Variants in OTUD7A observed in about 807,000 individuals in gnomAD.
The protein encoded by OTUD7A is OTU domain-containing protein 7A.
In OTUD7A, 12 loss-of-function variants were observed where a neutral mutation model predicts 65.7. The observed-to-expected ratio is 0.18, with a 90% CI of 0.12 to 0.30. The LOEUF (loss-of-function observed/expected upper bound fraction) is 0.30. OTUD7A is among the 10% of genes least tolerant of loss of function. The pLI is 1.00. For synonymous variants in OTUD7A, 641 were observed against 586.3 expected (o/e 1.09, Z -1.35); for missense variants, 1,148 against 1,304.8 (o/e 0.88, Z 1.85).
chr15:31,714,541 A>G (rs1893533518), intron 1 of OTUD7A, among the ~76,000 whole-genome samples: 1 of 152,194 alleles, frequency 6.6e-6, no homozygotes, highest in African/African-American at 2.4e-5. Flanking sequence ...TAATTCATGA[A>G]GTTGTACATT....
chr15:31,748,843 T>G (rs936293678), intron 1 of OTUD7A, among the ~76,000 whole-genome samples: 1 of 152,220 alleles, frequency 6.6e-6, no homozygotes, highest in Non-Finnish European at 1.5e-5. Flanking sequence ...TTTTGCATTA[T>G]ACCCTTAATA....
Position 31,481,708 on chromosome 15 carries a change from A to G in OTUD7A, c.*1586T>C, listed in dbSNP as rs2041121994. 1 of 152,528 alleles carries G rather than the reference A, an allele frequency of 6.6e-6. No individual in the cohort carries two copies. The highest frequency in any genetic ancestry group is 2.4e-5 in the African/African-American group (1 of 41,438). The allele number at this position is 152,528 out of a possible 1,614,324, so 9.4% of individuals were successfully genotyped here. A position where few individuals can be genotyped will look rare whatever the true frequency, so the allele number is the denominator to read the frequency against. ...ACAGGAGATACTCAATTATTTTATT[A>G]TAATTTCTCAAACAAGTAAAAAAAA... is the stretch of plus-strand genomic sequence containing the variant. On this transcript the variant is annotated 3_prime_UTR_variant, in exon 13 of 13. Coordinates refer to ENST00000307050, the MANE Select transcript of OTUD7A (RefSeq NM_001382637.1).
chr15:31,629,199 TG>T (rs1250019507), intron 3 of OTUD7A, among the ~76,000 whole-genome samples: 1 of 152,216 alleles, frequency 6.6e-6, no homozygotes, highest in Non-Finnish European at 1.5e-5. Context: ...TTCCAGTTTT[TG>T]CCCATTCAGT....
At position 31,739,615 on chromosome 15, in the gene OTUD7A, C is replaced by CA. The variant is rs1167458862; in HGVS notation, c.-99-82539dup. On this transcript the variant is annotated intron_variant, in intron 1 of 12. Transcript: ENST00000307050. Reference sequence around the variant, plus strand: ...TCACCATATCTTTTTTTTTTGGAGACAGAGTGTCACTCTGTTGCCCAGGCT... The same window carrying CA: ...TCACCATATCTTTTTTTTTTGGAGACAAGAGTGTCACTCTGTTGCCCAGGCT... Among the ~76,000 whole-genome samples, 2 of 151,792 alleles carry CA rather than the reference C, an allele frequency of 1.3e-5. 1 individual carries two copies. The highest frequency in any genetic ancestry group is 3.9e-4 in the East Asian group (2 of 5,158).
intron 5 of OTUD7A, among the ~76,000 whole-genome samples, chr15:31,534,190 T>C (rs62004104): frequency 0.062 from 9,473 of 152,180 alleles, 340 homozygotes; most frequent in Non-Finnish European, 0.09. Context: ...TACAAACAAG[T>C]AGAACACAGT....
At chr15:31,499,669 G>A (rs2041435620) in intron 10 of OTUD7A, among the ~76,000 whole-genome samples, 1 of 152,274 alleles carries the variant, frequency 6.6e-6, no homozygotes. Context: ...CTGCCCTGCA[G>A]TGGGTCGTGG....
chr15:31,644,179 C>T (rs550002180), intron 3 of OTUD7A, among the ~76,000 whole-genome samples: 42 of 152,180 alleles, frequency 2.8e-4, no homozygotes, highest in African/African-American at 8.0e-4. Flanking sequence ...GTTTTTCACA[C>T]CCTATGTAGG....
At chr15:31,728,956 A>T (rs1893967660) in intron 1 of OTUD7A, among the ~76,000 whole-genome samples, 1 of 152,244 alleles carries the variant, frequency 6.6e-6, no homozygotes, top group Admixed American at 6.5e-5. Flanking sequence ...GTCCTGCCTT[A>T]TCTGTGGTTT....
At position 31,507,375 on chromosome 15, in the gene OTUD7A, A is replaced by G. The variant is rs2041593190; in HGVS notation, c.894-3557T>C. ...GTATGTTTTTTTTGTGTGTGTGTGG[A>G]AGTTTAACTTTGCTCTTGAGTAATT... On this transcript the variant is annotated intron_variant, in intron 8 of 12. Transcript: ENST00000307050. 1.3e-5 allele frequency among the ~76,000 whole-genome samples: 2 copies of G among 151,956 alleles called. 1 individual carries two copies. The highest frequency in any genetic ancestry group is 4.2e-4 in the South Asian group (2 of 4,796).
rs1418714759 is a variant in OTUD7A, at chr15:31,476,369, G to GT, written c.*6924dup. The GT allele has an allele frequency of 6.6e-6, 1 of 152,288 alleles. No homozygotes were observed. The highest frequency in any genetic ancestry group is 6.5e-5 in the Admixed American group (1 of 15,278). The allele number at this position is 152,288 out of a possible 1,614,324, so 9.4% of individuals were successfully genotyped here. A position where few individuals can be genotyped will look rare whatever the true frequency, so the allele number is the denominator to read the frequency against. Reference sequence around the variant, plus strand: ...CTCCCCACTGCCAAGTCATCATTCCGTATCAGGTGTTTGGATTCCATTCCT... The same window carrying GT: ...CTCCCCACTGCCAAGTCATCATTCCGTTATCAGGTGTTTGGATTCCATTCCT... On this transcript the variant is annotated 3_prime_UTR_variant, in exon 13 of 13. Coordinates refer to ENST00000307050, the MANE Select transcript of OTUD7A (RefSeq NM_001382637.1).
intron 1 of OTUD7A, among the ~76,000 whole-genome samples, chr15:31,751,623 T>C (rs778040169): frequency 1.3e-5 from 2 of 152,328 alleles, no homozygotes; most frequent in East Asian, 1.9e-4. Context: ...CGTATATTCA[T>C]TGTAGCACTA....
chr15:31,575,780 C>T lies in OTUD7A; in HGVS notation c.152-5583G>A, dbSNP rs147473717. On this transcript the variant is annotated intron_variant, in intron 3 of 12. Transcript: ENST00000307050. The stretch of plus-strand genomic sequence containing the variant: ...ACTAGCCACAGGCTCCCTCCAAACA[C>T]GGGGCCCAGGAACTACATCCTCCCA... Among the ~76,000 whole-genome samples the T allele has an allele frequency of 3.8e-3, 583 of 152,294 alleles. 3 individuals carry two copies. Among genetic ancestry groups the T allele is most frequent in the Non-Finnish European group, 5.1e-3 (348 of 68,026 alleles).
intron 1 of OTUD7A, among the ~76,000 whole-genome samples, chr15:31,751,911 G>C (rs561306804): frequency 5.1e-4 from 77 of 152,110 alleles, no homozygotes; most frequent in Middle Eastern, 3.4e-3. Flanking sequence ...AAGGAGAGAG[G>C]GGGGCAAGGG....
At chr15:31,496,368 C>T (rs982784172) in intron 10 of OTUD7A, among the ~76,000 whole-genome samples, 9 of 152,036 alleles carry the variant, frequency 5.9e-5, no homozygotes, top group Non-Finnish European at 8.8e-5. Flanking sequence ...ACTACAGGCA[C>T]CTGCCACCAT....
At chr15:31,608,786 G>A (rs1290905277) in intron 3 of OTUD7A, among the ~76,000 whole-genome samples, 1 of 152,220 alleles carries the variant, frequency 6.6e-6, no homozygotes, top group Admixed American at 6.5e-5. Flanking sequence ...TGGAAGAACA[G>A]AGCAGCGTGC....
At chr15:31,735,901 T>A (rs373884204) in intron 1 of OTUD7A, among the ~76,000 whole-genome samples, 7 of 152,254 alleles carry the variant, frequency 4.6e-5, no homozygotes, top group African/African-American at 1.7e-4. Flanking sequence ...TGAGATCATG[T>A]CTTTTGCAGG....
At chr15:31,722,549 T>C (rs1399900418) in intron 1 of OTUD7A, among the ~76,000 whole-genome samples, 1 of 152,204 alleles carries the variant, frequency 6.6e-6, no homozygotes, top group Non-Finnish European at 1.5e-5. Context: ...TTGCATGGAA[T>C]GGTGGCCCTG....
At position 31,659,010 on chromosome 15, in the gene OTUD7A, C is replaced by CATGA. The variant is rs200527037; in HGVS notation, c.-99-1937_-99-1934dup. Reference sequence around the variant, plus strand: ...TCGCGCCATTGCACTCCAGCCTGGGCATGAATGAATGAATGAATGAATGAA... The same window carrying CATGA: ...TCGCGCCATTGCACTCCAGCCTGGGCATGAATGAATGAATGAATGAATGAATGAA... On this transcript the variant is annotated intron_variant, in intron 1 of 12. Coordinates refer to ENST00000307050, the MANE Select transcript of OTUD7A (RefSeq NM_001382637.1). Among the ~76,000 whole-genome samples, 1,113 of 141,390 alleles carry CATGA rather than the reference C, an allele frequency of 7.9e-3. 11 individuals are homozygous for CATGA. Among genetic ancestry groups the CATGA allele is most frequent in the Middle Eastern group, 0.032 (9 of 280 alleles). 92.8% of individuals were successfully genotyped at this position (141,390 alleles called of 152,430 possible).
At position 31,514,855 on chromosome 15, in the gene OTUD7A, A is replaced by C. The variant is rs1319376345; in HGVS notation, c.894-11037T>G. On this transcript the variant is annotated intron_variant, in intron 8 of 12. Coordinates refer to ENST00000307050, the MANE Select transcript of OTUD7A (RefSeq NM_001382637.1). ...AGGAATGTTTTAAATATGTATTGAC[A>C]TGAATACATATTCACACATACACAC... is the stretch of plus-strand genomic sequence containing the variant. Among the ~76,000 whole-genome samples the C allele has an allele frequency of 2.0e-5, 3 of 152,246 alleles. No individual in the cohort carries two copies. The South Asian group carries it at 6.2e-4, about 32-fold the overall frequency.
Sources: gnomAD v4.1 joint callset for allele counts (sites outside exome capture counted in the v4.1 genomes callset) on GRCh38, gnomAD v4.1.1 for gene constraint, MANE v1.5 for transcripts, NCBI Gene and HGNC (gene_info 2026-07-23, HGNC 2026-07-21) for gene names.